DNAH7: variants seen among roughly 807,000 people sequenced by gnomAD.
The protein encoded by DNAH7 is axonemal beta dynein heavy chain 7.
In DNAH7, 397 loss-of-function variants were observed where a neutral mutation model predicts 444.6. That is an observed-to-expected ratio of 0.89 (90% CI 0.82 to 0.97). The LOEUF is 0.97. Among genes scored for constraint, DNAH7 ranks in the 50% least tolerant of loss-of-function variants. The pLI, the probability that DNAH7 is intolerant of heterozygous loss-of-function variation, is 0.00. For missense variants in DNAH7, 4,902 were observed against 4,800.8 expected, an observed-to-expected ratio of 1.02 and a Z score of -0.62; for synonymous variants, 1,636 against 1,624.4, an observed-to-expected ratio of 1.01 and a Z score of -0.17.
At chr2:195,772,079 T>A (rs1464664457) in intron 60 of DNAH7, among the ~76,000 whole-genome samples, 189 bp from the exon 61 acceptor site, 1 of 152,136 alleles carries the variant, frequency 6.6e-6, no homozygotes, top group African/African-American at 2.4e-5. Context: ...GGGAAAACTA[T>A]TGTTAGAGAG....
chr2:195,942,979 T>A (rs1359694521), intron 19 of DNAH7, among the ~76,000 whole-genome samples: 1 of 152,132 alleles, frequency 6.6e-6, no homozygotes, highest in Non-Finnish European at 1.5e-5. Flanking sequence ...GGGAGGTAAT[T>A]GAATCATCGG....
chr2:196,006,275 C>T (rs1022621038), intron 10 of DNAH7, among the ~76,000 whole-genome samples: 1 of 152,118 alleles, frequency 6.6e-6, no homozygotes, highest in African/African-American at 2.4e-5. Flanking sequence ...CACTGCACTC[C>T]AGCCTGGCTG....
Position 195,906,971 on chromosome 2 carries a change from C to T in DNAH7, c.4143G>A (p.Glu1381=), listed in dbSNP as rs1277087591. ...LSCGAWACFD[E]FNRIDLEVLS... ...GTACTTCCAAATCAATTCTGTTAAA[C>T]TCATCAAAGCAAGCCCAGGCTCCAC... The change falls in exon 26 of 65, where the codon GAG becomes GAA. Residue 1381 remains glutamate (E), a synonymous_variant. Transcript: ENST00000312428. 5.6e-6 allele frequency: 9 copies of T among 1,612,994 alleles called. No individual in the cohort carries two copies. The highest frequency in any genetic ancestry group is 7.6e-6 in the Non-Finnish European group (9 of 1,179,454).
At chr2:195,834,506 A>G in intron 47 of DNAH7, 146 bp from the exon 48 acceptor site, 1 of 878,364 alleles carries the variant, frequency 1.1e-6, no homozygotes, top group Non-Finnish European at 1.6e-6. Context: ...TATGTTCTTA[A>G]AACAGAGACG....
chr2:195,796,695 C>G lies in DNAH7; in HGVS notation c.10396G>C (p.Gly3466Arg). 1 of 1,614,150 alleles carries G rather than the reference C, an allele frequency of 6.2e-7. No individual in the cohort carries two copies. The highest frequency in any genetic ancestry group is 8.5e-7 in the Non-Finnish European group (1 of 1,179,996). The change falls in exon 56 of 65, where the codon GGC (glycine) becomes CGC (arginine). Residue 3466 changes from glycine to arginine, a missense_variant. By Grantham distance (125) the Gly-to-Arg change is moderately radical. Transcript: ENST00000312428. ...SKLSSLSLGQ[G>R]QGPIAMKMLE... ...ATCTTCATAGCAATGGGCCCTTGGC[C>G]TTGACCAAGAGATAAAGAGCTAAGT...
intron 61 of DNAH7, among the ~76,000 whole-genome samples, chr2:195,759,528 G>A (rs143606399): frequency 6.6e-6 from 1 of 152,140 alleles, no homozygotes; most frequent in East Asian, 1.9e-4. Context: ...AGAGTAAAGG[G>A]GGCTTTGACT....
intron 58 of DNAH7, among the ~76,000 whole-genome samples, chr2:195,783,236 A>T (rs1460396454): frequency 6.6e-6 from 1 of 152,220 alleles, no homozygotes; most frequent in Admixed American, 6.5e-5. Flanking sequence ...AATCTTGCTC[A>T]AATGATTTCG....
At chr2:196,060,304 T>TA (rs1348399019) in intron 1 of DNAH7, among the ~76,000 whole-genome samples, 2 of 152,176 alleles carry the variant, frequency 1.3e-5, no homozygotes, top group Non-Finnish European at 2.9e-5. Context: ...GTATTCAAAA[T>TA]ATCTACTTGC....
At chr2:195,773,584 G>C (rs970287214) in intron 60 of DNAH7, among the ~76,000 whole-genome samples, 1 of 152,036 alleles carries the variant, frequency 6.6e-6, no homozygotes, top group Non-Finnish European at 1.5e-5. Context: ...ATAATTAAGA[G>C]CAATTGGGTC....
At chr2:196,050,287 G>A (rs1559370342) in intron 3 of DNAH7, among the ~76,000 whole-genome samples, 1 of 152,070 alleles carries the variant, frequency 6.6e-6, no homozygotes, top group Non-Finnish European at 1.5e-5. Flanking sequence ...AATACCTAGA[G>A]TAGTCAAATA....
chr2:196,019,829 C>T lies in DNAH7; in HGVS notation c.744-534G>A, dbSNP rs1575036435. On this transcript the variant is annotated intron_variant, in intron 8 of 64. Coordinates refer to ENST00000312428, the MANE Select transcript of DNAH7 (RefSeq NM_018897.3). ...ACGTTTTTATTTGAAGACACATTTA[C>T]AGTTAACCCTTGAATAACACAGGTT... 2.0e-5 allele frequency among the ~76,000 whole-genome samples: 3 copies of T among 152,300 alleles called. No individual in the cohort carries two copies. In the Middle Eastern group the frequency reaches 0.01, roughly 518 times the overall value.
intron 2 of DNAH7, among the ~76,000 whole-genome samples, chr2:196,052,863 G>A (rs930868631): frequency 2.6e-4 from 39 of 152,170 alleles, no homozygotes; most frequent in Admixed American, 2.1e-3. Flanking sequence ...AGGCTTTGAG[G>A]CTATGTTGGA....
At chr2:195,770,770 C>A (rs1463392029) in intron 61 of DNAH7, among the ~76,000 whole-genome samples, 1 of 152,006 alleles carries the variant, frequency 6.6e-6, no homozygotes, top group Non-Finnish European at 1.5e-5. Context: ...GTTGCCTGGG[C>A]TGGGTAGGAT....
At position 195,971,841 on chromosome 2, in the gene DNAH7, T is replaced by C. The variant is rs183507536; in HGVS notation, c.2058+401A>G. On this transcript the variant is annotated intron_variant, in intron 16 of 64. Coordinates refer to ENST00000312428, the MANE Select transcript of DNAH7 (RefSeq NM_018897.3). ...ATTCTGGGCACAATGCTCATGAGAG[T>C]GAGCAATTATGAGGTATGAAAGCAC... 1.0e-3 allele frequency among the ~76,000 whole-genome samples: 156 copies of C among 151,446 alleles called. 1 individual carries two copies. In the Middle Eastern group the frequency reaches 0.027, roughly 26 times the overall value.
intron 58 of DNAH7, among the ~76,000 whole-genome samples, chr2:195,782,780 C>CT (rs1695450210): frequency 6.6e-6 from 1 of 152,152 alleles, no homozygotes; most frequent in African/African-American, 2.4e-5. Context: ...CTCGCTCCTG[C>CT]TTTTTTTCCT....
At chr2:195,985,517 G>A (rs1354173012) in intron 14 of DNAH7, among the ~76,000 whole-genome samples, 1 of 152,198 alleles carries the variant, frequency 6.6e-6, no homozygotes, top group Non-Finnish European at 1.5e-5. Flanking sequence ...ACAGACTTCT[G>A]CCCTCTGAGT....
At chr2:195,787,878 T>C (rs1178367945) in intron 57 of DNAH7, among the ~76,000 whole-genome samples, 2 of 151,664 alleles carry the variant, frequency 1.3e-5, no homozygotes, top group African/African-American at 4.8e-5. Flanking sequence ...AGACGGAGAG[T>C]GTGGGCTGAG....
chr2:195,996,930 T>C (rs1362085399), intron 12 of DNAH7, among the ~76,000 whole-genome samples: 3 of 152,208 alleles, frequency 2.0e-5, no homozygotes, highest in African/African-American at 7.2e-5. Flanking sequence ...CAGGAAATCA[T>C]CTTGCTTAGA....
chr2:195,992,462 A>G (rs1228441555), intron 12 of DNAH7, among the ~76,000 whole-genome samples: 1 of 152,206 alleles, frequency 6.6e-6, no homozygotes, highest in Non-Finnish European at 1.5e-5. Context: ...ACCACTTTGC[A>G]TATTGTAGAA....
Sources: gnomAD v4.1 joint callset for allele counts (sites outside exome capture counted in the v4.1 genomes callset) on GRCh38, gnomAD v4.1.1 for gene constraint, MANE v1.5 for transcripts, NCBI Gene and HGNC (gene_info 2026-07-23, HGNC 2026-07-21) for gene names.